Variants in MYO6 observed in about 807,000 individuals in gnomAD.
MYO6 encodes unconventional myosin-VI.
A neutral mutation model predicts 178.7 loss-of-function variants in MYO6; 74 were observed. That is an observed-to-expected ratio of 0.41 (90% CI 0.34 to 0.50). The LOEUF (loss-of-function observed/expected upper bound fraction) is 0.50, where lower values mean the gene tolerates loss of function less well. MYO6 is among the 20% of genes least tolerant of loss of function. The pLI, the probability that MYO6 is intolerant of heterozygous loss-of-function variation, is 0.09. For missense variants in MYO6, 1,330 were observed against 1,547.4 expected, an observed-to-expected ratio of 0.86 and a Z score of 2.36; for synonymous variants, 477 against 504.6, an observed-to-expected ratio of 0.95 and a Z score of 0.73.
intron 1 of MYO6, among the ~76,000 whole-genome samples, chr6:75,779,414 A>G (rs1766734019): frequency 6.6e-6 from 1 of 152,078 alleles, no homozygotes; most frequent in Non-Finnish European, 1.5e-5. Context: ...AGGCAGGAGA[A>G]TTGCTTGAAC....
At chr6:75,839,142 G>C (rs994332248) in intron 7 of MYO6, among the ~76,000 whole-genome samples, 8 of 152,060 alleles carry the variant, frequency 5.3e-5, no homozygotes, top group African/African-American at 1.9e-4. Context: ...TGCTTGAAAA[G>C]GCTTCATAAG....
At chr6:75,849,928 A>G (rs1775102209) in intron 11 of MYO6, among the ~76,000 whole-genome samples, 1 of 152,122 alleles carries the variant, frequency 6.6e-6, no homozygotes, top group Non-Finnish European at 1.5e-5. Context: ...TTAGGAGCAT[A>G]GATAAGGCCC....
At chr6:75,873,360 G>C in intron 20 of MYO6, 60 bp downstream of exon 20, 1 of 1,234,858 alleles carries the variant, frequency 8.1e-7, no homozygotes, top group South Asian at 1.2e-5. Flanking sequence ...CAATTTAATA[G>C]GTTCAGTATT....
intron 1 of MYO6, among the ~76,000 whole-genome samples, chr6:75,810,371 A>G (rs1360894674): frequency 6.6e-6 from 1 of 152,188 alleles, no homozygotes; most frequent in African/African-American, 2.4e-5. Context: ...GATTCTCTTC[A>G]GGGTCTGATA....
At chr6:75,908,942 A>G (rs1780556297) in intron 32 of MYO6, among the ~76,000 whole-genome samples, 2 of 152,216 alleles carry the variant, frequency 1.3e-5, no homozygotes, top group Admixed American at 1.3e-4. Flanking sequence ...TAAATGTGAA[A>G]ATGTCAGGAT....
chr6:75,763,216 G>A (rs1002660502), intron 1 of MYO6, among the ~76,000 whole-genome samples: 1 of 151,930 alleles, frequency 6.6e-6, no homozygotes, highest in Non-Finnish European at 1.5e-5. Flanking sequence ...AGTAGAGACG[G>A]GGTTTCACCA....
chr6:75,754,932 A>G (rs926921529), intron 1 of MYO6, among the ~76,000 whole-genome samples: 1 of 152,204 alleles, frequency 6.6e-6, no homozygotes, highest in Admixed American at 6.5e-5. Flanking sequence ...TGGAGACTCA[A>G]AAAATTAAAA....
chr6:75,907,766 C>T (rs1407488742), intron 31 of MYO6, 58 bp downstream of exon 31: 1 of 1,331,190 alleles, frequency 7.5e-7, no homozygotes, highest in African/African-American at 1.5e-5. Context: ...GTGATAAATA[C>T]CTAGATTAGG....
At position 75,915,470 on chromosome 6, in the gene MYO6, A is replaced by G. The variant is rs950919617; in HGVS notation, c.*458A>G. 4.1e-5 allele frequency: 7 copies of G among 171,750 alleles called. No homozygotes were observed. The highest frequency in any genetic ancestry group is 5.5e-5 in the Admixed American group (1 of 18,066). The allele number at this position is 171,750 out of a possible 1,614,324, so 10.6% of individuals were successfully genotyped here. On this transcript the variant is annotated 3_prime_UTR_variant, in exon 35 of 35. Transcript: ENST00000369977. ...CAAGGCACTAATGTTTTGGTCTGAA[A>G]AGCTGTGTACTTTATAGACATTTTC...
At chr6:75,907,742 G>A (rs1162400089) in intron 31 of MYO6, 34 bp downstream of exon 31, 2 of 1,530,070 alleles carry the variant, frequency 1.3e-6, no homozygotes, top group African/African-American at 1.4e-5. Context: ...AATAGAAAAT[G>A]TTCATAGTGA....
intron 29 of MYO6, among the ~76,000 whole-genome samples, chr6:75,895,995 C>T (rs1057339554): frequency 6.6e-6 from 1 of 152,046 alleles, no homozygotes; most frequent in East Asian, 1.9e-4. Flanking sequence ...GCTAATGTAT[C>T]TTTTTCATAT....
intron 4 of MYO6, among the ~76,000 whole-genome samples, chr6:75,829,249 G>T (rs921185810): frequency 1.3e-5 from 2 of 152,080 alleles, no homozygotes; most frequent in African/African-American, 4.8e-5. Flanking sequence ...CATTCAGATG[G>T]ATACTTAACC....
intron 1 of MYO6, among the ~76,000 whole-genome samples, chr6:75,756,732 G>A (rs888094649): frequency 6.6e-6 from 1 of 152,034 alleles, no homozygotes; most frequent in Non-Finnish European, 1.5e-5. Context: ...TCACCTCAGT[G>A]GTGCTGGTGT....
chr6:75,820,774 T>TC (rs1224677646), intron 2 of MYO6, among the ~76,000 whole-genome samples: 5 of 152,154 alleles, frequency 3.3e-5, no homozygotes, highest in Admixed American at 6.5e-5. Flanking sequence ...AATCTCTCCC[T>TC]CCCCCCCATT....
chr6:75,775,035 C>G (rs772367096), intron 1 of MYO6, among the ~76,000 whole-genome samples: 6 of 152,074 alleles, frequency 3.9e-5, no homozygotes, highest in Non-Finnish European at 7.4e-5. Context: ...CTCAGGTGAT[C>G]TGCCCGCCTC....
chr6:75,847,274 A>G (rs1774813105), intron 10 of MYO6, among the ~76,000 whole-genome samples: 1 of 152,146 alleles, frequency 6.6e-6, no homozygotes, highest in Non-Finnish European at 1.5e-5. Context: ...TTACACATTC[A>G]TAATTGAACA....
chr6:75,846,209 G>A (rs1774717816), intron 10 of MYO6, among the ~76,000 whole-genome samples: 1 of 151,790 alleles, frequency 6.6e-6, no homozygotes, highest in Non-Finnish European at 1.5e-5. Flanking sequence ...GTGATATTAA[G>A]TTACACGTAC....
intron 1 of MYO6, among the ~76,000 whole-genome samples, chr6:75,762,130 T>C (rs1036472457): frequency 1.3e-5 from 2 of 152,082 alleles, no homozygotes; most frequent in African/African-American, 4.8e-5. Context: ...AGAGACAGAG[T>C]GTCACCATGT....
At chr6:75,876,634 T>C (rs910466653) in intron 20 of MYO6, among the ~76,000 whole-genome samples, 26 of 152,208 alleles carry the variant, frequency 1.7e-4, no homozygotes, top group African/African-American at 6.3e-4. Context: ...GGAGAGGGTA[T>C]AGGCTACTGA....
Sources: gnomAD v4.1 joint callset for allele counts (sites outside exome capture counted in the v4.1 genomes callset) on GRCh38, gnomAD v4.1.1 for gene constraint, MANE v1.5 for transcripts, NCBI Gene and HGNC (gene_info 2026-07-23, HGNC 2026-07-21) for gene names.